The following HAUS8 variants were observed in gnomAD, a reference collection of about 807,000 sequenced individuals.
The protein encoded by HAUS8 is HAUS augmin like complex subunit 8.
A neutral mutation model predicts 42.9 loss-of-function variants in HAUS8; 38 were observed. The observed-to-expected ratio is 0.89, with a 90% CI of 0.68 to 1.16. The LOEUF (loss-of-function observed/expected upper bound fraction) is 1.16. Among genes scored for constraint, HAUS8 ranks in the 50% most tolerant of loss-of-function variants. The pLI is 0.00. For synonymous variants in HAUS8, 199 were observed against 205.8 expected, an observed-to-expected ratio of 0.97 and a Z score of 0.28; for missense variants, 494 against 511.6, an observed-to-expected ratio of 0.97 and a Z score of 0.33.
intron 1 of HAUS8, chr19:17,074,113 A>C (rs1419767209): frequency 6.6e-6 from 1 of 152,362 alleles, no homozygotes; most frequent in African/African-American, 2.4e-5. Flanking sequence ...GTGGGGGTGC[A>C]GGAGAGGGAG....
intron 10 of HAUS8, among the ~76,000 whole-genome samples, chr19:17,050,752 C>A (rs566834918): frequency 6.6e-6 from 1 of 151,916 alleles, no homozygotes. Flanking sequence ...AAAAATTAGC[C>A]GGGCGTGGTG....
chr19:17,068,505 A>G (rs2057401291), intron 3 of HAUS8, among the ~76,000 whole-genome samples: 1 of 152,282 alleles, frequency 6.6e-6, no homozygotes, highest in Admixed American at 6.5e-5. Flanking sequence ...CAGGGCTCAC[A>G]CTTGTAATCC....
intron 10 of HAUS8, chr19:17,052,136 A>C (rs2057291064): frequency 6.6e-6 from 1 of 151,630 alleles, no homozygotes; most frequent in South Asian, 2.1e-4. Flanking sequence ...TCTCAAAATA[A>C]ATAAATAAAT....
intron 7 of HAUS8, 42 bp from the exon 8 acceptor site, chr19:17,058,749 C>G (rs748271064): frequency 1.2e-6 from 2 of 1,605,516 alleles, no homozygotes; most frequent in African/African-American, 1.3e-5. Flanking sequence ...TGGGGACTCC[C>G]TCCCCGTGAA....
At chr19:17,059,497 G>A (rs1179342088) in intron 6 of HAUS8, 60 bp downstream of exon 6, 2 of 1,171,710 alleles carry the variant, frequency 1.7e-6, no homozygotes, top group Admixed American at 1.8e-5. Flanking sequence ...GGTTCAGAGT[G>A]GACTCTAAAT....
At chr19:17,058,440 T>G (rs2057338712) in intron 8 of HAUS8, 109 bp downstream of exon 8, 1 of 1,115,212 alleles carries the variant, frequency 9.0e-7, no homozygotes, top group African/African-American at 1.6e-5. Context: ...CCAACACAGT[T>G]AGAAGCCAGT....
intron 1 of HAUS8, chr19:17,073,931 G>C (rs868629855): frequency 6.5e-6 from 1 of 152,838 alleles, no homozygotes; most frequent in Non-Finnish European, 1.5e-5. Context: ...GAACCCGGGA[G>C]GCACAGGTTG....
intron 8 of HAUS8, among the ~76,000 whole-genome samples, chr19:17,058,298 A>G (rs2057337963): frequency 2.6e-5 from 4 of 152,278 alleles, no homozygotes; most frequent in African/African-American, 9.6e-5. Flanking sequence ...TCAGGCGCTC[A>G]GGAAGTCTCT....
At chr19:17,060,934 T>G (rs2057356770) in intron 4 of HAUS8, among the ~76,000 whole-genome samples, 1 of 152,160 alleles carries the variant, frequency 6.6e-6, no homozygotes, top group African/African-American at 2.4e-5. Context: ...TGAGACTATT[T>G]CATGAACAAC....
At chr19:17,057,254 G>A (rs767534299) in intron 8 of HAUS8, among the ~76,000 whole-genome samples, 12 of 152,102 alleles carry the variant, frequency 7.9e-5, no homozygotes, top group Non-Finnish European at 1.6e-4. Flanking sequence ...GGAAGCTCAG[G>A]TATGAGAGTT....
At chr19:17,068,499 G>A (rs1393852357) in intron 3 of HAUS8, among the ~76,000 whole-genome samples, 2 of 152,194 alleles carry the variant, frequency 1.3e-5, no homozygotes, top group African/African-American at 4.8e-5. Flanking sequence ...GGGCGCCAGG[G>A]CTCACACTTG....
rs562549360 is a variant in HAUS8, at chr19:17,059,027, A to G, written c.421-151T>C. On this transcript the variant is annotated intron_variant, in intron 6 of 10. Coordinates refer to ENST00000253669, the MANE Select transcript of HAUS8 (RefSeq NM_033417.2). ...CTACTGTAGTGGGTCTATTGCTTCTATTTTCTTTTATTTGGTTTTCTGCGG... is the reference window on the plus strand; with the variant it reads ...CTACTGTAGTGGGTCTATTGCTTCTGTTTTCTTTTATTTGGTTTTCTGCGG... The G allele has an allele frequency of 3.0e-4, 186 of 627,232 alleles. 4 individuals are homozygous for G. The South Asian group carries it at 3.9e-3, about 13-fold the overall frequency. 38.9% of individuals were successfully genotyped at this position (627,232 alleles called of 1,614,324 possible).
At chr19:17,055,146 ATATATATATATATATAT>A (rs2057316129) in intron 9 of HAUS8, 4 of 3,990 alleles carry the variant, frequency 1.0e-3, no homozygotes, top group Non-Finnish European at 1.6e-3. Context: ...AAAAAAAAAT[ATATATATATATATATAT>A]ATATATATAT....
At chr19:17,065,399 A>C (rs1421429619) in intron 3 of HAUS8, among the ~76,000 whole-genome samples, 2 of 152,154 alleles carry the variant, frequency 1.3e-5, no homozygotes, top group Non-Finnish European at 2.9e-5. Flanking sequence ...CATACCCCAG[A>C]GGAAAAAACG....
In HAUS8 at chr19:17,050,176, C is replaced by T. The variant is rs374030447; in HGVS notation, c.930G>A (p.Arg310=). The change falls in exon 11 of 11, where the codon AGG becomes AGA. Residue 310 remains arginine, a splice_region_variant and synonymous_variant. Coordinates refer to ENST00000253669, the MANE Select transcript of HAUS8 (RefSeq NM_033417.2). ...AGAGTTCCAGCACCTGGGCAAAGCT[C>T]CTGTTGAGGATGGGAGAAAGAATAA... is the stretch of plus-strand genomic sequence containing the variant. The part of the protein sequence containing the change: ...VTAKKDLELR[R]SFAQVLELSA... 4.0e-6 allele frequency: 6 copies of T among 1,485,602 alleles called. No individual in the cohort carries two copies. The South Asian group carries it at 4.2e-5, about 10-fold the overall frequency. The allele number at this position is 1,485,602 out of a possible 1,614,324, so 92.0% of individuals were successfully genotyped here. A position where few individuals can be genotyped will look rare whatever the true frequency, so the allele number is the denominator to read the frequency against.
In HAUS8 at chr19:17,050,811, G is replaced by A. The variant is rs149829253; in HGVS notation, c.930-635C>T. On this transcript the variant is annotated intron_variant, in intron 10 of 10. Transcript: ENST00000253669. The stretch of plus-strand genomic sequence containing the variant: ...CTGGGGAGGCTGAGGCAGGAGAATC[G>A]CTTGAACCCAGGAGACAGGGTCTAT... Among the ~76,000 whole-genome samples the A allele has an allele frequency of 1.4e-3, 207 of 152,098 alleles. 1 individual carries two copies. Among genetic ancestry groups the A allele is most frequent in the African/African-American group, 4.7e-3 (195 of 41,500 alleles).
At chr19:17,058,501 G>C (rs762260062) in intron 8 of HAUS8, 48 bp downstream of exon 8, 28 of 1,524,960 alleles carry the variant, frequency 1.8e-5, no homozygotes, top group Non-Finnish European at 2.5e-5. Flanking sequence ...AGATGGGACA[G>C]ATTCACAGGG....
Position 17,069,067 on chromosome 19 carries a change from G to A in HAUS8, c.111C>T (p.Ser37=), listed in dbSNP as rs746421953. The part of the protein sequence containing the change: ...KRVQGGRVIE[S]RYLQYEKKTT... ...TCTTCTTTTCATACTGCAGATACCG[G>A]GACTCAATCACTCTTCCACCTGTGG... is the stretch of plus-strand genomic sequence containing the variant. The change falls in exon 3 of 11, where the codon TCC becomes TCT. Residue 37 remains serine, a synonymous_variant. Coordinates refer to ENST00000253669, the MANE Select transcript of HAUS8 (RefSeq NM_033417.2). 33 of 1,613,248 alleles carry A rather than the reference G, an allele frequency of 2.0e-5. No individual in the cohort carries two copies. In the South Asian group the frequency reaches 3.1e-4, roughly 15 times the overall value.
chr19:17,059,692 A>G (rs763389761), intron 5 of HAUS8, 41 bp from the exon 6 acceptor site: 2 of 1,404,660 alleles, frequency 1.4e-6, no homozygotes, highest in Non-Finnish European at 2.0e-6. Context: ...AGTAGCGTAT[A>G]TAGACTGGTC....
Sources: gnomAD v4.1 joint callset for allele counts (sites outside exome capture counted in the v4.1 genomes callset) on GRCh38, gnomAD v4.1.1 for gene constraint, MANE v1.5 for transcripts, NCBI Gene and HGNC (gene_info 2026-07-23, HGNC 2026-07-21) for gene names.